The following NAV2 variants were observed in gnomAD, a reference collection of about 807,000 sequenced individuals.
NAV2 encodes neuron navigator 2, also known as helicase, APC down-regulated 1.
NAV2 carries 54 observed loss-of-function variants against 223.2 expected under a neutral mutation model. The ratio of observed to expected loss-of-function variants is 0.24; its 90% CI spans 0.19 to 0.30. The LOEUF (loss-of-function observed/expected upper bound fraction) is 0.30. Among genes scored for constraint, NAV2 ranks in the 10% least tolerant of loss-of-function variants. NAV2 has a pLI of 1.00. For missense variants in NAV2, 2,806 were observed against 3,147.5 expected, an observed-to-expected ratio of 0.89 and a Z score of 2.60; for synonymous variants, 1,279 against 1,239.3, an observed-to-expected ratio of 1.03 and a Z score of -0.67.
chr11:19,945,947 T>G (rs2046905298), intron 8 of NAV2, among the ~76,000 whole-genome samples: 1 of 152,230 alleles, frequency 6.6e-6, no homozygotes. Flanking sequence ...GATTAACAGG[T>G]GCAGATCTTC....
At chr11:19,598,014 A>G (rs1034248932) in intron 1 of NAV2, among the ~76,000 whole-genome samples, 1 of 152,372 alleles carries the variant, frequency 6.6e-6, no homozygotes, top group South Asian at 2.1e-4. Context: ...GCCTCCAGTT[A>G]TGACCCATGC....
At chr11:19,628,151 T>C (rs960693518) in intron 1 of NAV2, among the ~76,000 whole-genome samples, 9 of 152,236 alleles carry the variant, frequency 5.9e-5, no homozygotes, top group Admixed American at 5.2e-4. Flanking sequence ...TTTGGCTCCC[T>C]GGATGCTCCC....
chr11:19,352,871 A>G (rs1853403409), intron 1 of NAV2, among the ~76,000 whole-genome samples: 1 of 152,208 alleles, frequency 6.6e-6, no homozygotes. Flanking sequence ...CCGCCACTGC[A>G]GTAGCTTCTG....
chr11:19,388,457 AT>A (rs1395688458), intron 1 of NAV2, among the ~76,000 whole-genome samples: 1 of 152,198 alleles, frequency 6.6e-6, no homozygotes, highest in African/African-American at 2.4e-5. Flanking sequence ...AAAGATTTTA[AT>A]TGCTAGGAAT....
intron 4 of NAV2, among the ~76,000 whole-genome samples, chr11:19,878,017 G>T (rs939163494): frequency 6.6e-6 from 1 of 152,156 alleles, no homozygotes; most frequent in Non-Finnish European, 1.5e-5. Context: ...AAGCATGGCT[G>T]AAGGATTAAA....
At chr11:19,875,053 A>C (rs1033849392) in intron 4 of NAV2, among the ~76,000 whole-genome samples, 1 of 152,164 alleles carries the variant, frequency 6.6e-6, no homozygotes, top group African/African-American at 2.4e-5. Flanking sequence ...GCTACTCAGG[A>C]GGCTGACTCA....
At chr11:20,105,423 G>A in intron 34 of NAV2, 108 bp from the exon 35 acceptor site, 1 of 840,620 alleles carries the variant, frequency 1.2e-6, no homozygotes, top group South Asian at 1.7e-5. Context: ...AATCCAATTT[G>A]TTGCATTAGC....
At chr11:19,712,331 G>A (rs79542837), upstream of NAV2, 5,976 of 152,388 alleles carry the variant, frequency 0.039, 379 homozygotes, top group African/African-American at 0.14. Flanking sequence ...AACTGGAGAG[G>A]AAGCCGTTGG....
chr11:20,046,960 G>C (rs2057501578), intron 14 of NAV2, among the ~76,000 whole-genome samples: 2 of 152,184 alleles, frequency 1.3e-5, no homozygotes, highest in Non-Finnish European at 2.9e-5. Flanking sequence ...ATCTGGGGAT[G>C]AACAGGAATG....
intron 1 of NAV2, among the ~76,000 whole-genome samples, chr11:19,467,041 A>T (rs1852390285): frequency 6.6e-6 from 1 of 151,440 alleles, no homozygotes; most frequent in African/African-American, 2.4e-5. Flanking sequence ...AGAGAGAGAG[A>T]GAGATAGATA....
chr11:19,625,944 A>G (rs2047158145), intron 1 of NAV2, among the ~76,000 whole-genome samples: 1 of 152,018 alleles, frequency 6.6e-6, no homozygotes, highest in Non-Finnish European at 1.5e-5. Context: ...CCCTTGTCAG[A>G]TGAGTAGTTC....
intron 1 of NAV2, among the ~76,000 whole-genome samples, chr11:19,527,264 C>T (rs969986885): frequency 6.6e-6 from 1 of 152,174 alleles, no homozygotes; most frequent in African/African-American, 2.4e-5. Context: ...TTGCGTGACT[C>T]TCATTCTCTG....
chr11:20,095,641 TTTTCACCTGTG>T lies in NAV2; in HGVS notation c.5917-29_5917-19del, dbSNP rs1203055319. 4 of 1,514,750 alleles carry T rather than the reference TTTTCACCTGTG, an allele frequency of 2.6e-6. No homozygotes were observed. Among genetic ancestry groups the T allele is most frequent in the Non-Finnish European group, 3.7e-6 (4 of 1,090,046 alleles). The allele number at this position is 1,514,750 out of a possible 1,614,324, so 93.8% of individuals were successfully genotyped here. On this transcript the variant is annotated intron_variant, in intron 29 of 37. Coordinates refer to ENST00000349880, the MANE Select transcript of NAV2 (RefSeq NM_145117.5). ...ACTGAGTCAGAAAAGATCCACCTGT[TTTTCACCTGTG>T]TACATTTCCTTACCCTTAGGATTCC... is the stretch of plus-strand genomic sequence containing the variant.
At chr11:19,402,158 C>CCA (rs1849713685) in intron 1 of NAV2, among the ~76,000 whole-genome samples, 1 of 152,224 alleles carries the variant, frequency 6.6e-6, no homozygotes, top group Non-Finnish European at 1.5e-5. Flanking sequence ...AAGGCCACCT[C>CCA]TCTAGATGGT....
intron 1 of NAV2, among the ~76,000 whole-genome samples, chr11:19,553,904 G>GGCTTT (rs1193615210): frequency 2.0e-5 from 3 of 152,220 alleles, no homozygotes; most frequent in Non-Finnish European, 4.4e-5. Context: ...ACCCCTCGTG[G>GGCTTT]GCTTTTAGCA....
intron 1 of NAV2, among the ~76,000 whole-genome samples, chr11:19,620,223 G>T (rs1364814779): frequency 6.6e-6 from 1 of 152,118 alleles, no homozygotes; most frequent in Admixed American, 6.5e-5. Flanking sequence ...TTTTGGCTTA[G>T]GATTGACTTG....
intron 3 of NAV2, among the ~76,000 whole-genome samples, chr11:19,865,365 AG>A (rs1460982108): frequency 6.6e-6 from 1 of 152,176 alleles, no homozygotes; most frequent in African/African-American, 2.4e-5. Context: ...TTACCTGTAC[AG>A]TATTTAGAAG....
intron 1 of NAV2, among the ~76,000 whole-genome samples, chr11:19,475,420 A>G (rs2042086085): frequency 6.6e-6 from 1 of 152,192 alleles, no homozygotes; most frequent in Admixed American, 6.5e-5. Flanking sequence ...CATGGCCCAT[A>G]AATAGAGAGT....
chr11:19,701,288 T>C (rs1364790), intron 1 of NAV2, among the ~76,000 whole-genome samples: 107,557 of 152,036 alleles, frequency 0.71, 41,070 homozygotes, highest in East Asian at 0.95. Context: ...GCAAGGAAAG[T>C]GCTCAAATGG....
Sources: gnomAD v4.1 joint callset for allele counts (sites outside exome capture counted in the v4.1 genomes callset) on GRCh38, gnomAD v4.1.1 for gene constraint, MANE v1.5 for transcripts, NCBI Gene and HGNC (gene_info 2026-07-23, HGNC 2026-07-21) for gene names.